The following CHD7 variants were observed in gnomAD, a reference collection of about 807,000 sequenced individuals.
CHD7 encodes the protein ATP-dependent chromatin remodeler CHD7.
In CHD7, 24 loss-of-function variants were observed where a neutral mutation model predicts 307.3. The observed-to-expected ratio is 0.08, with a 90% CI of 0.06 to 0.11. CHD7 has a LOEUF of 0.11. Ranked by LOEUF, CHD7 falls within the 10% of genes least tolerant of loss-of-function variation. CHD7 has a pLI of 1.00. For synonymous variants in CHD7, 1,363 were observed against 1,349.9 expected (o/e 1.01, Z -0.21); for missense variants, 3,106 against 3,727.1 (o/e 0.83, Z 4.34).
intron 1 of CHD7, among the ~76,000 whole-genome samples, chr8:60,713,162 GA>G (rs1807372274): frequency 6.6e-6 from 1 of 151,846 alleles, no homozygotes; most frequent in Non-Finnish European, 1.5e-5. Flanking sequence ...GCCCAGGCTG[GA>G]CTCAGTGGCG....
At chr8:60,864,805 T>A (rs1337622452) in intron 37 of CHD7, 1 of 569,740 alleles carries the variant, frequency 1.8e-6, no homozygotes, top group Non-Finnish European at 3.1e-6. Flanking sequence ...CACTGATGAG[T>A]AGCCTTGAGC....
intron 1 of CHD7, among the ~76,000 whole-genome samples, chr8:60,711,424 A>G (rs1290295187): frequency 6.6e-6 from 1 of 152,208 alleles, no homozygotes; most frequent in Admixed American, 6.5e-5. Flanking sequence ...GGTGGCATGT[A>G]ATTAGAAATT....
rs7460821 is a variant in CHD7, at chr8:60,839,995, C to T, written c.4534-1649C>T. On this transcript the variant is annotated intron_variant, in intron 19 of 37. Transcript: ENST00000423902. ...TTTCTACAGATTTGCCTACTCTGGA[C>T]GGTGGGCAGTTCATATAAATGGAAT... 5.3e-3 allele frequency among the ~76,000 whole-genome samples: 801 copies of T among 152,218 alleles called. 3 individuals are homozygous for T. Among genetic ancestry groups the T allele is most frequent in the African/African-American group, 0.016 (663 of 41,536 alleles).
chr8:60,783,330 G>A (rs2150674373), intron 3 of CHD7, among the ~76,000 whole-genome samples: 1 of 152,280 alleles, frequency 6.6e-6, no homozygotes, highest in Non-Finnish European at 1.5e-5. Flanking sequence ...ACAACTGTAA[G>A]AAACTGTTTG....
intron 1 of CHD7, among the ~76,000 whole-genome samples, chr8:60,682,378 ATATGT>A (rs1412314969): frequency 6.6e-6 from 1 of 152,204 alleles, no homozygotes; most frequent in Admixed American, 6.5e-5. Context: ...GAAGTCAATA[ATATGT>A]TATAGTTTTT....
intron 3 of CHD7, among the ~76,000 whole-genome samples, chr8:60,783,112 A>G (rs1811337571): frequency 6.6e-6 from 1 of 152,162 alleles, no homozygotes; most frequent in Non-Finnish European, 1.5e-5. Context: ...TTTATCACCT[A>G]ATGGTAAAAA....
chr8:60,698,447 T>C (rs1806597627), intron 1 of CHD7, among the ~76,000 whole-genome samples: 1 of 152,168 alleles, frequency 6.6e-6, no homozygotes, highest in Admixed American at 6.5e-5. Context: ...TTCTCAAATA[T>C]ATAATTAGAG....
chr8:60,741,125 G>A (rs185447975), intron 1 of CHD7, 134 bp from the exon 2 acceptor site: 1 of 362,574 alleles, frequency 2.8e-6, no homozygotes. Context: ...ATAAAATACA[G>A]CTCAGCGAGG....
chr8:60,707,753 CAAAA>C (rs779276373), intron 1 of CHD7, among the ~76,000 whole-genome samples: 3 of 151,864 alleles, frequency 2.0e-5, no homozygotes, highest in Non-Finnish European at 2.9e-5. Context: ...ATTCATATCT[CAAAA>C]AAAGGGAAAC....
rs775930258 is a variant in CHD7, at chr8:60,828,651, G to C, written c.3379-12G>C. ...TACAATTTGGTTAGTGGCTTTCCTT[G>C]TGTTACCTCAGGAACACAAAGTGCT... On this transcript the variant is annotated splice_polypyrimidine_tract_variant and intron_variant, in intron 13 of 37. Coordinates refer to ENST00000423902, the MANE Select transcript of CHD7 (RefSeq NM_017780.4). 2.5e-6 allele frequency: 4 copies of C among 1,593,056 alleles called. No individual in the cohort carries two copies. Among genetic ancestry groups the C allele is most frequent in the Non-Finnish European group, 3.4e-6 (4 of 1,170,864 alleles).
chr8:60,838,278 C>G (rs1378552206), intron 19 of CHD7, 23 bp downstream of exon 19: 1 of 1,585,470 alleles, frequency 6.3e-7, no homozygotes, highest in South Asian at 1.2e-5. Flanking sequence ...CTAAAGAGGC[C>G]AGGTTTTCCA....
In CHD7 at chr8:60,741,047, C is replaced by A. The variant is rs17825594; in HGVS notation, c.-174-212C>A. On this transcript the variant is annotated intron_variant, in intron 1 of 37. Coordinates refer to ENST00000423902, the MANE Select transcript of CHD7 (RefSeq NM_017780.4). ...TTAAGGTTAGTGTTTTGCTTGCTTT[C>A]TAAGTAACCGATCATAATGATGCTT... 0.041 allele frequency among the ~76,000 whole-genome samples: 6,237 copies of A among 152,270 alleles called. 167 individuals are homozygous for A. Among genetic ancestry groups the A allele is most frequent in the Non-Finnish European group, 0.058 (3,960 of 68,034 alleles).
intron 24 of CHD7, 43 bp downstream of exon 24, chr8:60,848,647 T>G (rs1278735722): frequency 2.7e-6 from 4 of 1,462,652 alleles, no homozygotes; most frequent in Non-Finnish European, 3.8e-6. Context: ...AGTGAGATAA[T>G]CTGGGTAGCC....
intron 1 of CHD7, among the ~76,000 whole-genome samples, chr8:60,679,989 G>C (rs1805511758): frequency 1.3e-5 from 2 of 151,844 alleles, no homozygotes; most frequent in African/African-American, 2.4e-5. Context: ...GGGCCGGGGC[G>C]AGCGCCGGGA....
Position 60,781,363 on chromosome 8 carries a change from C to G in CHD7, c.2029C>G (p.Pro677Ala), listed in dbSNP as rs1043230318. Residue 677 changes from proline (P) to alanine (A), a missense_variant, in exon 3 of 38, where the codon CCC (proline) becomes GCC (alanine). Pro to Ala is a conservative substitution (Grantham distance 27). This residue lies in a region of CHD7 where 998 missense variants were observed against 1,004.5 expected (regional missense o/e 0.99). Coordinates refer to ENST00000423902, the MANE Select transcript of CHD7 (RefSeq NM_017780.4). Reference protein sequence around the residue: ...EPKTPKAPKIPKEPKEKKAKT... With the variant: ...EPKTPKAPKIAKEPKEKKAKT... ...CAAGACCCCGAAAGCCCCTAAGATTCCCAAAGAGCCAAAGGAAAAGAAAGC... is the reference window on the plus strand; with the variant it reads ...CAAGACCCCGAAAGCCCCTAAGATTGCCAAAGAGCCAAAGGAAAAGAAAGC... 7 of 1,551,552 alleles carry G rather than the reference C, an allele frequency of 4.5e-6. No homozygotes were observed. Among genetic ancestry groups the G allele is most frequent in the Non-Finnish European group, 6.1e-6 (7 of 1,156,156 alleles).
chr8:60,741,787 G>T lies in CHD7; in HGVS notation c.355G>T (p.Gly119Cys), dbSNP rs764675280. Residue 119 changes from glycine (G) to cysteine (C), a missense_variant, in exon 2 of 38, where the codon GGT becomes TGT. Coordinates refer to ENST00000423902, the MANE Select transcript of CHD7 (RefSeq NM_017780.4). ...TCCTCAGGTGCCCCATGGTGGCAGT[G>T]GTGGCGGTCAGATGGGTGTCTACCC... is the stretch of plus-strand genomic sequence containing the variant. The part of the protein sequence containing the change: ...PVPQVPHGGS[G>C]GGQMGVYPGM... The T allele has an allele frequency of 2.7e-5, 44 of 1,613,812 alleles. No homozygotes were observed. The highest frequency in any genetic ancestry group is 3.4e-5 in the Non-Finnish European group (40 of 1,179,880).
Position 60,844,925 on chromosome 8 carries a change from G to C in CHD7, c.4912G>C (p.Asp1638His), listed in dbSNP as rs762441929. 6.2e-7 allele frequency: 1 copy of C among 1,613,666 alleles called. No individual in the cohort carries two copies. Among genetic ancestry groups the C allele is most frequent in the Non-Finnish European group, 8.5e-7 (1 of 1,179,670 alleles). The stretch of plus-strand genomic sequence containing the variant: ...CTATAAACGCCAACTCACTGAGCAA[G>C]ATGTAGAAACCATCTGCAGAACCAT... ...GRYKRQLTEQ[D>H]VETICRTILV... is the part of the protein sequence containing the mutation. The change falls in exon 22 of 38, where the codon GAT becomes CAT. Residue 1638 changes from aspartate to histidine, a missense_variant. By Grantham distance (81) the Asp-to-His change is moderately conservative. Around this residue, in one of 10 missense-constraint regions of CHD7, gnomAD observed 122 missense variants for 124.5 expected, o/e 0.98. Coordinates refer to ENST00000423902, the MANE Select transcript of CHD7 (RefSeq NM_017780.4).
intron 1 of CHD7, among the ~76,000 whole-genome samples, chr8:60,694,565 C>T (rs542922123): frequency 2.0e-5 from 3 of 152,264 alleles, no homozygotes; most frequent in Admixed American, 1.3e-4. Context: ...CACGGAGAGG[C>T]TGTCAGCCAA....
At chr8:60,723,127 T>G (rs1807990985) in intron 1 of CHD7, among the ~76,000 whole-genome samples, 1 of 152,234 alleles carries the variant, frequency 6.6e-6, no homozygotes, top group Non-Finnish European at 1.5e-5. Flanking sequence ...TTTGTATTTG[T>G]TAATATTACC....
Sources: allele counts gnomAD v4.1 joint callset (sites outside exome capture counted in the v4.1 genomes callset), GRCh38; gene constraint gnomAD v4.1.1; regional missense constraint gnomAD v4.1.1; transcripts MANE v1.5; gene names NCBI Gene and HGNC (gene_info 2026-07-23, HGNC 2026-07-21).